ASCC3: variants seen among roughly 807,000 people sequenced by gnomAD.
The protein encoded by ASCC3 is ASC-1 complex subunit P200.
A neutral mutation model predicts 256.3 loss-of-function variants in ASCC3; 158 were observed. That is an observed-to-expected ratio of 0.62 (90% CI 0.54 to 0.70). ASCC3 has a LOEUF of 0.70. ASCC3 is among the 30% of genes least tolerant of loss of function. ASCC3 has a pLI of 0.00. For missense variants in ASCC3, 2,259 were observed against 2,626.0 expected, an observed-to-expected ratio of 0.86 and a Z score of 3.05; for synonymous variants, 948 against 883.4, an observed-to-expected ratio of 1.07 and a Z score of -1.30.
At chr6:100,520,434 C>CTTT (rs569468513) in intron 37 of ASCC3, among the ~76,000 whole-genome samples, 4 of 144,504 alleles carry the variant, frequency 2.8e-5, no homozygotes, top group Non-Finnish European at 6.1e-5. Flanking sequence ...CCTTCTTCTT[C>CTTT]TTTTTTTTTT....
chr6:100,508,398 G>C lies in ASCC3; in HGVS notation c.*988C>G, dbSNP rs1004885862. 6.6e-6 allele frequency: 1 copy of C among 152,088 alleles called. No homozygotes were observed. Among genetic ancestry groups the C allele is most frequent in the Admixed American group, 6.5e-5 (1 of 15,268 alleles). The allele number at this position is 152,088 out of a possible 1,614,324, so 9.4% of individuals were successfully genotyped here. ...CTAGAATGCATATTATATGAACATTGAATTTTAACAAGTTTTTAGTTTGAA... is the reference window on the plus strand; with the variant it reads ...CTAGAATGCATATTATATGAACATTCAATTTTAACAAGTTTTTAGTTTGAA... On this transcript the variant is annotated 3_prime_UTR_variant, in exon 42 of 42. Transcript: ENST00000369162.
At chr6:100,563,377 T>A (rs1019256706) in intron 36 of ASCC3, among the ~76,000 whole-genome samples, 1 of 152,194 alleles carries the variant, frequency 6.6e-6, no homozygotes, top group African/African-American at 2.4e-5. Context: ...GCGTATACTA[T>A]AGAATTAGAA....
intron 2 of ASCC3, 31 bp downstream of exon 2, chr6:100,867,877 T>C (rs368531939): frequency 4.6e-6 from 7 of 1,506,480 alleles, no homozygotes; most frequent in African/African-American, 1.4e-5. Flanking sequence ...TTTATAATAA[T>C]GTTCAACATT....
intron 4 of ASCC3, among the ~76,000 whole-genome samples, chr6:100,830,472 T>C (rs934136070): frequency 2.2e-4 from 33 of 152,314 alleles, no homozygotes; most frequent in African/African-American, 6.0e-4. Flanking sequence ...TACTGTTTAC[T>C]CTCTTTCCTT....
At chr6:100,774,553 GACAGGGT>G (rs150437420) in intron 8 of ASCC3, among the ~76,000 whole-genome samples, 10,377 of 152,102 alleles carry the variant, frequency 0.068, 786 homozygotes, top group East Asian at 0.3. Context: ...TTTTAGTAGA[GACAGGGT>G]TTCAGCATGT....
At chr6:100,766,316 C>A (rs1395112473) in intron 10 of ASCC3, among the ~76,000 whole-genome samples, 2 of 152,070 alleles carry the variant, frequency 1.3e-5, no homozygotes, top group Admixed American at 1.3e-4. Context: ...AGCCTTACTG[C>A]CCATAGACTT....
intron 14 of ASCC3, among the ~76,000 whole-genome samples, chr6:100,678,767 G>A (rs1777149979): frequency 6.6e-6 from 1 of 152,028 alleles, no homozygotes; most frequent in Non-Finnish European, 1.5e-5. Context: ...GAAACAGAAA[G>A]TAATTTACAG....
At chr6:100,749,719 T>C (rs76919298) in intron 10 of ASCC3, among the ~76,000 whole-genome samples, 2,077 of 152,024 alleles carry the variant, frequency 0.014, 19 homozygotes, top group East Asian at 0.044. Flanking sequence ...AATATGTCTA[T>C]GTATTCAACC....
chr6:100,799,900 G>A (rs1359893945), intron 6 of ASCC3, among the ~76,000 whole-genome samples: 1 of 151,890 alleles, frequency 6.6e-6, no homozygotes, highest in Non-Finnish European at 1.5e-5. Flanking sequence ...AAAGAATCAA[G>A]TGCAATAATG....
At chr6:100,630,064 A>C (rs1774458641) in intron 26 of ASCC3, among the ~76,000 whole-genome samples, 2 of 151,096 alleles carry the variant, frequency 1.3e-5, no homozygotes, top group East Asian at 3.9e-4. Context: ...CTCCTTTTTT[A>C]TTTTTAGTAG....
At chr6:100,849,960 T>G (rs1426356770) in intron 3 of ASCC3, among the ~76,000 whole-genome samples, 1 of 151,440 alleles carries the variant, frequency 6.6e-6, no homozygotes, top group Non-Finnish European at 1.5e-5. Flanking sequence ...ATTAGCTGGG[T>G]GTGGTGCCAC....
rs1018704508 is a variant in ASCC3 at position 100,858,657 on chromosome 6, ACAT to A, written c.241+5404_241+5406del. The A allele has an allele frequency of 5.0e-6, 5 of 1,002,094 alleles. No homozygotes were observed. The South Asian group carries it at 1.3e-4, about 26-fold the overall frequency. The allele number at this position is 1,002,094 out of a possible 1,614,324, so 62.1% of individuals were successfully genotyped here. ...ATTATAAACACTTGATCACACACAC[ACAT>A]CATGTGTATTTCTTTTGCTGACACA... On this transcript the variant is annotated intron_variant, in intron 3 of 41. Transcript: ENST00000369162.
At chr6:100,769,425 T>C (rs895860057) in intron 8 of ASCC3, among the ~76,000 whole-genome samples, 1 of 151,994 alleles carries the variant, frequency 6.6e-6, no homozygotes, top group Non-Finnish European at 1.5e-5. Context: ...CTAATTACCC[T>C]GATTTGATCA....
intron 36 of ASCC3, among the ~76,000 whole-genome samples, chr6:100,561,279 C>CTTAG (rs1769936872): frequency 6.6e-6 from 1 of 152,006 alleles, no homozygotes; most frequent in Non-Finnish European, 1.5e-5. Flanking sequence ...TTTAAAGAGC[C>CTTAG]TTAGGGGTCT....
intron 10 of ASCC3, among the ~76,000 whole-genome samples, chr6:100,740,863 A>G (rs1428582326): frequency 1.3e-5 from 2 of 152,194 alleles, no homozygotes; most frequent in Admixed American, 6.5e-5. Flanking sequence ...CTTGCCATTC[A>G]GTGTCTTTTA....
At chr6:100,819,914 G>GAA (rs77081638) in intron 4 of ASCC3, among the ~76,000 whole-genome samples, 23 of 150,430 alleles carry the variant, frequency 1.5e-4, no homozygotes, top group Non-Finnish European at 2.7e-4. Context: ...ACATTACTGG[G>GAA]AAAAAAAAAT....
At chr6:100,878,620 A>G (rs779177877) in intron 1 of ASCC3, among the ~76,000 whole-genome samples, 4 of 152,236 alleles carry the variant, frequency 2.6e-5, no homozygotes, top group East Asian at 1.9e-4. Context: ...TCTTCCCACG[A>G]AAGTCCAGTG....
chr6:100,864,273 C>T, intron 2 of ASCC3, 59 bp from the exon 3 acceptor site: 1 of 1,396,762 alleles, frequency 7.2e-7, no homozygotes, highest in Non-Finnish European at 1.0e-6. Flanking sequence ...AACTCCAACG[C>T]TGATTACATA....
chr6:100,703,071 T>A (rs369239447), intron 13 of ASCC3, among the ~76,000 whole-genome samples: 1 of 152,108 alleles, frequency 6.6e-6, no homozygotes, highest in East Asian at 1.9e-4. Flanking sequence ...TCTGGATTTT[T>A]TTTTCTAAAT....
Sources: gnomAD v4.1 joint callset for allele counts (sites outside exome capture counted in the v4.1 genomes callset) on GRCh38, gnomAD v4.1.1 for gene constraint, MANE v1.5 for transcripts, NCBI Gene and HGNC (gene_info 2026-07-23, HGNC 2026-07-21) for gene names.